The following AQR variants were observed in gnomAD, a reference collection of about 807,000 sequenced individuals.
AQR encodes the protein RNA helicase aquarius.
A neutral mutation model predicts 180.5 loss-of-function variants in AQR; 61 were observed. That is an observed-to-expected ratio of 0.34 (90% CI 0.28 to 0.42). The LOEUF is 0.42. Ranked by LOEUF, AQR falls within the 10% of genes least tolerant of loss-of-function variation. AQR has a pLI of 1.00. For missense variants in AQR, 1,281 were observed against 1,798.3 expected, an observed-to-expected ratio of 0.71 and a Z score of 5.20; for synonymous variants, 551 against 588.8, an observed-to-expected ratio of 0.94 and a Z score of 0.93.
intron 8 of AQR, among the ~76,000 whole-genome samples, chr15:34,939,482 GT>G (rs1893993029): frequency 6.6e-6 from 1 of 152,156 alleles, no homozygotes; most frequent in Non-Finnish European, 1.5e-5. Context: ...CACATTTAAT[GT>G]AGTTAAAATG....
chr15:34,957,747 AAAAC>A (rs1231723262), intron 3 of AQR, among the ~76,000 whole-genome samples: 1 of 150,376 alleles, frequency 6.6e-6, no homozygotes, highest in Non-Finnish European at 1.5e-5. Flanking sequence ...TAATAATAAT[AAAAC>A]AAAAAACATA....
At chr15:34,964,163 G>T in intron 2 of AQR, 71 bp downstream of exon 2, 1 of 1,063,330 alleles carries the variant, frequency 9.4e-7, no homozygotes, top group Non-Finnish European at 1.4e-6. Context: ...ATTATGGAAA[G>T]CTTTTGTTGA....
chr15:34,873,894 G>A lies in AQR; in HGVS notation c.3531C>T (p.Phe1177=), dbSNP rs569861650. Residue 1177 remains phenylalanine, a synonymous_variant, in exon 30 of 35, where the codon TTC becomes TTT. Coordinates refer to ENST00000156471, the MANE Select transcript of AQR (RefSeq NM_014691.3). ...STANAGLLYD[F]QLINVEDFQG... is the part of the protein sequence containing the mutation. ...GAAAATCTTCAACATTAATGAGCTG[G>A]AAGTCATACAGTAAGCCAGCATTTG... 7.4e-5 allele frequency: 120 copies of A among 1,611,428 alleles called. No homozygotes were observed. In the South Asian group the frequency reaches 1.2e-3, roughly 17 times the overall value.
At chr15:34,882,781 T>C in intron 26 of AQR, 142 bp from the exon 27 acceptor site, 1 of 805,542 alleles carries the variant, frequency 1.2e-6, no homozygotes, top group Non-Finnish European at 1.8e-6. Flanking sequence ...ATTCTGTTCA[T>C]TATGATTTCG....
At chr15:34,896,533 TAATC>T (rs1414208977) in intron 22 of AQR, among the ~76,000 whole-genome samples, 12 of 146,042 alleles carry the variant, frequency 8.2e-5, no homozygotes, top group African/African-American at 3.2e-4. Context: ...CTTCTAGTCT[TAATC>T]TATGTTAAAA....
intron 32 of AQR, 118 bp downstream of exon 32, chr15:34,867,406 G>A (rs577617670): frequency 1.0e-4 from 82 of 786,308 alleles, no homozygotes; most frequent in African/African-American, 1.0e-3. Context: ...AGCAGCAAAA[G>A]TTGCCTAGTA....
intron 9 of AQR, among the ~76,000 whole-genome samples, chr15:34,935,176 C>T (rs1893927927): frequency 6.6e-6 from 1 of 152,082 alleles, no homozygotes; most frequent in Non-Finnish European, 1.5e-5. Context: ...GCCAATGACA[C>T]AAAGAACAAT....
intron 8 of AQR, among the ~76,000 whole-genome samples, chr15:34,940,298 A>G (rs1452988327): frequency 6.6e-6 from 1 of 152,192 alleles, no homozygotes. Context: ...TAGGAGGCCG[A>G]GGCAGGCGGA....
Position 34,896,925 on chromosome 15 carries a change from C to T in AQR, c.2432G>A (p.Arg811His), listed in dbSNP as rs771045397. Residue 811 changes from arginine (R) to histidine (H), a missense_variant, in exon 22 of 35, where the codon CGT becomes CAT. Transcript: ENST00000156471. ...QFTHTQIEAI[R>H]AGMQPGLTMV... is the part of the protein sequence containing the mutation. ...AGTCAGCCCAGGCTGCATTCCAGCA[C>T]GGATGGCTTCTATCTGTGTATGAGT... 25 of 1,613,360 alleles carry T rather than the reference C, an allele frequency of 1.5e-5. No individual in the cohort carries two copies. The highest frequency in any genetic ancestry group is 1.2e-4 in the African/African-American group (9 of 75,018).
In AQR at chr15:34,852,842, T is replaced by C. The variant is rs1892534443; in HGVS notation, c.*3950A>G. The C allele has an allele frequency of 6.6e-6, 1 of 152,186 alleles. No individual in the cohort carries two copies. Among genetic ancestry groups the C allele is most frequent in the Non-Finnish European group, 1.5e-5 (1 of 68,030 alleles). The allele number at this position is 152,186 out of a possible 1,614,324, so 9.4% of individuals were successfully genotyped here. On this transcript the variant is annotated 3_prime_UTR_variant, in exon 35 of 35. Transcript: ENST00000156471. ...GCCATCTTTGTACATAAGGTCAAAA[T>C]GTCAGGCAGCCCTGAAATAAACGCA... is the stretch of plus-strand genomic sequence containing the variant.
chr15:34,870,720 AATAAGAGAACATATT>A lies in AQR; in HGVS notation c.3768+17_3768+31del, dbSNP rs762636666. 2 of 1,575,556 alleles carry A rather than the reference AATAAGAGAACATATT, an allele frequency of 1.3e-6. No homozygotes were observed. The highest frequency in any genetic ancestry group is 1.7e-6 in the Non-Finnish European group (2 of 1,159,710). On this transcript the variant is annotated intron_variant, in intron 31 of 34. Transcript: ENST00000156471. ...ACCTTTCCATCTTGCCAAAATGATG[AATAAGAGAACATATT>A]ATAATTATAAAAGTACCTTGTTTGG... is the stretch of plus-strand genomic sequence containing the variant.
chr15:34,903,429 A>G (rs545473642), intron 19 of AQR, among the ~76,000 whole-genome samples: 2 of 152,268 alleles, frequency 1.3e-5, no homozygotes, highest in East Asian at 3.9e-4. Context: ...AATAGACAAG[A>G]AAGGAGGCAG....
Position 34,873,840 on chromosome 15 carries a change from A to G in AQR, c.3585T>C (p.Pro1195=). The G allele has an allele frequency of 6.3e-7, 1 of 1,583,576 alleles. No individual in the cohort carries two copies. The highest frequency in any genetic ancestry group is 1.2e-5 in the South Asian group (1 of 85,126). Residue 1195 remains proline, a synonymous_variant, in exon 30 of 35, where the codon CCT becomes CCC. Coordinates refer to ENST00000156471, the MANE Select transcript of AQR (RefSeq NM_014691.3). ...FQGVGESEPN[P]YFYQNLGEAE... is the part of the protein sequence containing the mutation. ...TATTTTTTCTTACCTGATAGAAGTA[A>G]GGATTAGGTTCAGATTCTCCCACTC...
chr15:34,901,230 C>T (rs1566985653), intron 19 of AQR, among the ~76,000 whole-genome samples: 1 of 152,152 alleles, frequency 6.6e-6, no homozygotes, highest in Non-Finnish European at 1.5e-5. Flanking sequence ...GAAAATACTT[C>T]CTCTCAGTAA....
chr15:34,958,980 G>GATATAGATATAGATATAGATATAGAT lies in AQR; in HGVS notation c.173+1768_173+1793dup, dbSNP rs1566792054. Reference sequence around the variant, plus strand: ...ACATTACATTACATATAGATATATAGATATAGATATAGATATAGATATAGA... The same window carrying GATATAGATATAGATATAGATATAGAT: ...ACATTACATTACATATAGATATATAGATATAGATATAGATATAGATATAGATATATAGATATAGATATAGATATAGA... On this transcript the variant is annotated intron_variant, in intron 3 of 34. Coordinates refer to ENST00000156471, the MANE Select transcript of AQR (RefSeq NM_014691.3). Among the ~76,000 whole-genome samples, 4 of 2,684 alleles carry GATATAGATATAGATATAGATATAGAT rather than the reference G, an allele frequency of 1.5e-3. No individual in the cohort carries two copies. The Admixed American group carries it at 0.018, about 12-fold the overall frequency. 1.8% of individuals were successfully genotyped at this position (2,684 alleles called of 152,430 possible).
At chr15:34,860,186 C>A in intron 33 of AQR, 31 bp from the exon 34 acceptor site, 1 of 1,208,250 alleles carries the variant, frequency 8.3e-7, no homozygotes, top group Non-Finnish European at 1.2e-6. Context: ...CGTTAAGTAT[C>A]TAGTAAAACA....
At position 34,918,246 on chromosome 15, in the gene AQR, T is replaced by A; in HGVS notation, c.1342+12A>T. 1.9e-6 allele frequency: 3 copies of A among 1,610,658 alleles called. No homozygotes were observed. The highest frequency in any genetic ancestry group is 2.5e-6 in the Non-Finnish European group (3 of 1,178,934). On this transcript the variant is annotated intron_variant, in intron 15 of 34. Transcript: ENST00000156471. ...TTCATTGTACAGCTGAATCCATACT[T>A]CTTTACCATACCTTCTCCAGAATAG... is the stretch of plus-strand genomic sequence containing the variant.
chr15:34,879,640 A>G (rs2140465771), intron 27 of AQR, among the ~76,000 whole-genome samples: 1 of 152,232 alleles, frequency 6.6e-6, no homozygotes, highest in South Asian at 2.1e-4. Context: ...CTGGTGTTAG[A>G]GTATTGGCTT....
In AQR at chr15:34,852,049, T is replaced by C. The variant is rs1460887245; in HGVS notation, c.*4743A>G. 2.0e-5 allele frequency: 3 copies of C among 152,222 alleles called. No homozygotes were observed. Among genetic ancestry groups the C allele is most frequent in the Non-Finnish European group, 4.4e-5 (3 of 68,032 alleles). 9.4% of individuals were successfully genotyped at this position (152,222 alleles called of 1,614,324 possible). A position where few individuals can be genotyped will look rare whatever the true frequency, so the allele number is the denominator to read the frequency against. On this transcript the variant is annotated 3_prime_UTR_variant, in exon 35 of 35. Coordinates refer to ENST00000156471, the MANE Select transcript of AQR (RefSeq NM_014691.3). ...CACTTCTGGTTTCCTCTTCGGCTGT[T>C]ACTTCACCCTCTGGTTACCTGTAGG...
Sources: gnomAD v4.1 joint callset for allele counts (sites outside exome capture counted in the v4.1 genomes callset) on GRCh38, gnomAD v4.1.1 for gene constraint, MANE v1.5 for transcripts, NCBI Gene and HGNC (gene_info 2026-07-23, HGNC 2026-07-21) for gene names.